LARGE1: variants seen among roughly 807,000 people sequenced by gnomAD.
LARGE1 encodes LARGE xylosyl- and glucuronyltransferase 1.
Under a neutral mutation model 87.6 loss-of-function variants are expected in LARGE1, and 43 were observed. That is an observed-to-expected ratio of 0.49 (90% CI 0.38 to 0.63). LARGE1 has a LOEUF of 0.63. Ranked by LOEUF, LARGE1 falls within the 30% of genes least tolerant of loss-of-function variation. LARGE1 has a pLI of 0.00. For missense variants in LARGE1, 802 were observed against 1,000.2 expected, an observed-to-expected ratio of 0.80 and a Z score of 2.67; for synonymous variants, 434 against 394.6, an observed-to-expected ratio of 1.10 and a Z score of -1.18.
intron 9 of LARGE1, among the ~76,000 whole-genome samples, chr22:33,343,114 GTTTT>G (rs1223287450): frequency 3.9e-5 from 6 of 152,088 alleles, no homozygotes; most frequent in African/African-American, 7.2e-5. Context: ...TTAGGCTGGT[GTTTT>G]TTGTTTGTTT....
At chr22:33,109,068 C>T in the LARGE1 span, 121,036 of 152,096 alleles carry the variant, frequency 0.8, 48,339 homozygotes, top group Middle Eastern at 0.88. Flanking sequence ...ACATTGTGTT[C>T]AATGAAGGTT....
intron 1 of LARGE1, among the ~76,000 whole-genome samples, chr22:33,860,551 A>G (rs2063886403): frequency 6.6e-6 from 1 of 152,140 alleles, no homozygotes; most frequent in Admixed American, 6.5e-5. Context: ...TGGATTCTCT[A>G]CTCAGCAGCA....
In LARGE1 at chr22:33,488,169, C is replaced by A. The variant is rs530368919; in HGVS notation, c.788-55904G>T. On this transcript the variant is annotated intron_variant, in intron 6 of 14. Transcript: ENST00000397394. Reference sequence around the variant, plus strand: ...GCTTGTTGAACACAGTAGCCACTAGCCACATGTGGCAATTTAAATTTAAAT... The same window carrying A: ...GCTTGTTGAACACAGTAGCCACTAGACACATGTGGCAATTTAAATTTAAAT... Among the ~76,000 whole-genome samples the A allele has an allele frequency of 6.2e-4, 94 of 152,264 alleles. 1 individual carries two copies. The highest frequency in any genetic ancestry group is 5.0e-4 in the Non-Finnish European group (34 of 68,022).
intron 6 of LARGE1, among the ~76,000 whole-genome samples, chr22:33,507,856 C>G (rs925954505): frequency 1.3e-5 from 2 of 152,246 alleles, no homozygotes; most frequent in East Asian, 1.9e-4. Context: ...AATTACATAC[C>G]TAGGGGGACT....
At chr22:33,206,029 A>G (rs1467028034) in intron 11 of LARGE1, among the ~76,000 whole-genome samples, 1 of 136,014 alleles carries the variant, frequency 7.4e-6, no homozygotes, top group African/African-American at 2.8e-5. Flanking sequence ...ATCTCTGCTC[A>G]CTGCAAGCTC....
intron 6 of LARGE1, among the ~76,000 whole-genome samples, chr22:33,507,853 T>A (rs909464802): frequency 1.3e-5 from 2 of 152,152 alleles, no homozygotes; most frequent in African/African-American, 4.8e-5. Flanking sequence ...CAGAATTACA[T>A]ACCTAGGGGG....
chr22:33,697,538 A>G (rs2082286294), intron 2 of LARGE1, among the ~76,000 whole-genome samples: 1 of 76,756 alleles, frequency 1.3e-5, no homozygotes, highest in Non-Finnish European at 2.3e-5. Flanking sequence ...CGACAAAGCT[A>G]GACTCTGTCC....
intron 6 of LARGE1, among the ~76,000 whole-genome samples, chr22:33,499,155 A>G (rs903550798): frequency 4.6e-5 from 7 of 152,202 alleles, no homozygotes; most frequent in African/African-American, 1.7e-4. Flanking sequence ...GGCTGTGCTT[A>G]GTAGCAGGGT....
chr22:33,611,696 G>A (rs1048557594), intron 4 of LARGE1, among the ~76,000 whole-genome samples: 6 of 152,218 alleles, frequency 3.9e-5, no homozygotes, highest in African/African-American at 1.2e-4. Context: ...TTTGAAATGT[G>A]AGGAGGACAT....
At chr22:33,391,536 TTC>T (rs1050264412) in intron 7 of LARGE1, among the ~76,000 whole-genome samples, 9 of 152,090 alleles carry the variant, frequency 5.9e-5, no homozygotes, top group African/African-American at 2.2e-4. Flanking sequence ...CCAGACAGGC[TTC>T]TCTCTCTAGG....
Position 33,914,341 on chromosome 22 carries a change from G to A in LARGE1, c.-83+5654C>T, listed in dbSNP as rs8141936. ...CAGCTCCCCTACAAGGTAATCTCCC[G>A]TTCAGGCCAAATGAATGGGTTTCCC... On this transcript the variant is annotated intron_variant, in intron 1 of 14. Coordinates refer to ENST00000397394, the MANE Select transcript of LARGE1 (RefSeq NM_133642.5). 9.0e-3 allele frequency among the ~76,000 whole-genome samples: 1,365 copies of A among 152,230 alleles called. 22 individuals carry two copies. The highest frequency in any genetic ancestry group is 0.031 in the African/African-American group (1,287 of 41,526).
At chr22:33,913,740 G>A (rs2065705053) in intron 1 of LARGE1, among the ~76,000 whole-genome samples, 2 of 151,906 alleles carry the variant, frequency 1.3e-5, no homozygotes, top group Admixed American at 1.3e-4. Flanking sequence ...AGTAGACACG[G>A]GGTTTCACCA....
chr22:33,128,680 CAAAA>C, the LARGE1 span, among the ~76,000 whole-genome samples: 62 of 110,284 alleles, frequency 5.6e-4, no homozygotes, highest in Non-Finnish European at 5.9e-4. Context: ...GTCTCAAAAA[CAAAA>C]AAAAAAAAAA....
At chr22:33,401,800 G>A (rs1288439893) in intron 7 of LARGE1, among the ~76,000 whole-genome samples, 1 of 152,192 alleles carries the variant, frequency 6.6e-6, no homozygotes, top group Non-Finnish European at 1.5e-5. Context: ...TTCTAGAACT[G>A]TGAGAAAAAA....
chr22:33,303,807 TA>T (rs892801492), intron 12 of LARGE1, among the ~76,000 whole-genome samples: 37 of 117,522 alleles, frequency 3.1e-4, no homozygotes, highest in Non-Finnish European at 4.7e-4. Context: ...GTATTTTTAG[TA>T]GGGGGGGGGT....
chr22:33,304,190 G>A, intron 12 of LARGE1, 39 bp downstream of exon 12: 1 of 1,611,192 alleles, frequency 6.2e-7, no homozygotes, highest in East Asian at 2.2e-5. Flanking sequence ...GGCCCTATGT[G>A]CCTTCTGGCC....
intron 2 of LARGE1, among the ~76,000 whole-genome samples, chr22:33,688,639 C>T (rs1030243355): frequency 3.3e-5 from 5 of 152,172 alleles, no homozygotes; most frequent in Admixed American, 6.5e-5. Flanking sequence ...GTGTGAGCCA[C>T]CGCACCCGGC....
At position 33,346,680 on chromosome 22, in the gene LARGE1, T is replaced by C. The variant is rs115550538; in HGVS notation, c.1132-8879A>G. On this transcript the variant is annotated intron_variant, in intron 9 of 14. Transcript: ENST00000397394. ...TGCACATGTTCTGCAAAGCTTTTCC[T>C]GAACACTCACATTGACACCTCCTTG... 8.2e-3 allele frequency among the ~76,000 whole-genome samples: 1,246 copies of C among 152,242 alleles called. 12 individuals are homozygous for C. Among genetic ancestry groups the C allele is most frequent in the African/African-American group, 0.028 (1,179 of 41,520 alleles).
At chr22:33,274,665 G>A (rs755754630) in intron 14 of LARGE1, 41 bp from the exon 15 acceptor site, 9 of 1,563,254 alleles carry the variant, frequency 5.8e-6, no homozygotes, top group African/African-American at 2.7e-5. Flanking sequence ...CGCAAGAGCC[G>A]AGGGTCATGC....
Sources: allele counts gnomAD v4.1 joint callset (sites outside exome capture counted in the v4.1 genomes callset), GRCh38; gene constraint gnomAD v4.1.1; transcripts MANE v1.5; gene names NCBI Gene and HGNC (gene_info 2026-07-23, HGNC 2026-07-21).